The following ADGRB3 variants were observed in gnomAD, a reference collection of about 807,000 sequenced individuals.
The protein encoded by ADGRB3 is brain-specific angiogenesis inhibitor 3.
Under a neutral mutation model 193.4 loss-of-function variants are expected in ADGRB3, and 37 were observed. The ratio of observed to expected loss-of-function variants is 0.19; its 90% CI spans 0.15 to 0.25. ADGRB3 has a LOEUF of 0.25. Ranked by LOEUF, ADGRB3 falls within the 10% of genes least tolerant of loss-of-function variation. The pLI, the probability that ADGRB3 is intolerant of heterozygous loss-of-function variation, is 1.00. For synonymous variants in ADGRB3, 690 were observed against 644.2 expected, an observed-to-expected ratio of 1.07 and a Z score of -1.08; for missense variants, 1,637 against 1,852.9, an observed-to-expected ratio of 0.88 and a Z score of 2.14.
chr6:69,273,245 A>C (rs554163920), intron 20 of ADGRB3, among the ~76,000 whole-genome samples: 1 of 152,236 alleles, frequency 6.6e-6, no homozygotes, highest in African/African-American at 2.4e-5. Flanking sequence ...CACTTCTGTG[A>C]GTGTTAGTTC....
intron 7 of ADGRB3, among the ~76,000 whole-genome samples, chr6:68,956,435 A>C (rs538641805): frequency 3.0e-4 from 46 of 152,246 alleles, no homozygotes; most frequent in Non-Finnish European, 5.3e-4. Flanking sequence ...ACATTTGAGG[A>C]AGTTTAGCAC....
At chr6:69,183,637 T>G (rs1263019935) in intron 17 of ADGRB3, among the ~76,000 whole-genome samples, 2 of 152,102 alleles carry the variant, frequency 1.3e-5, no homozygotes, top group African/African-American at 2.4e-5. Context: ...TTTTGAATCT[T>G]CAGTGAAGAA....
intron 28 of ADGRB3, among the ~76,000 whole-genome samples, chr6:69,358,986 T>TAATTATA (rs1234849204): frequency 6.6e-6 from 1 of 151,774 alleles, no homozygotes; most frequent in Non-Finnish European, 1.5e-5. Flanking sequence ...GTGTTGGCTA[T>TAATTATA]AATTATAAAT....
At chr6:69,202,693 T>A (rs997056302) in intron 17 of ADGRB3, among the ~76,000 whole-genome samples, 6 of 152,166 alleles carry the variant, frequency 3.9e-5, no homozygotes, top group African/African-American at 1.4e-4. Flanking sequence ...GGTAGCTGAA[T>A]TTTTATGAAC....
intron 17 of ADGRB3, among the ~76,000 whole-genome samples, chr6:69,095,798 C>T (rs1011115671): frequency 3.3e-5 from 5 of 152,104 alleles, no homozygotes; most frequent in Non-Finnish European, 4.4e-5. Context: ...CATACACACA[C>T]GCACATGCAC....
At chr6:69,381,900 A>C (rs1194133610) in intron 30 of ADGRB3, among the ~76,000 whole-genome samples, 1 of 151,896 alleles carries the variant, frequency 6.6e-6, no homozygotes, top group Admixed American at 6.6e-5. Flanking sequence ...GAATCACCAA[A>C]ATATTGATTT....
intron 3 of ADGRB3, among the ~76,000 whole-genome samples, chr6:68,895,720 TG>T (rs2150230805): frequency 6.6e-6 from 1 of 152,034 alleles, no homozygotes; most frequent in Admixed American, 6.6e-5. Context: ...AAGTACAGAA[TG>T]TTAAGACTTA....
intron 17 of ADGRB3, among the ~76,000 whole-genome samples, chr6:69,181,632 A>G (rs898258923): frequency 6.6e-6 from 1 of 152,190 alleles, no homozygotes; most frequent in Non-Finnish European, 1.5e-5. Context: ...ATAAATGTAA[A>G]CAACATTCAG....
chr6:69,273,063 G>A (rs1327981200), intron 20 of ADGRB3, among the ~76,000 whole-genome samples: 1 of 152,096 alleles, frequency 6.6e-6, no homozygotes, highest in Non-Finnish European at 1.5e-5. Context: ...ACCATGCCCG[G>A]CTAATTTTTG....
chr6:68,749,823 G>A (rs529266167), intron 3 of ADGRB3, among the ~76,000 whole-genome samples: 3 of 152,158 alleles, frequency 2.0e-5, no homozygotes, highest in East Asian at 3.9e-4. Flanking sequence ...ATTCTTATAC[G>A]TCAATAAGTA....
At chr6:68,971,575 C>A (rs1768569591) in intron 8 of ADGRB3, among the ~76,000 whole-genome samples, 1 of 151,764 alleles carries the variant, frequency 6.6e-6, no homozygotes, top group South Asian at 2.1e-4. Flanking sequence ...AAATACTATA[C>A]CATTTTATAT....
intron 17 of ADGRB3, among the ~76,000 whole-genome samples, chr6:69,203,460 T>TC (rs1765474959): frequency 6.6e-6 from 1 of 151,982 alleles, no homozygotes. Context: ...TGTTTTTTTT[T>TC]TCTCTTACCC....
chr6:69,383,471 G>A (rs1185768715), intron 31 of ADGRB3, among the ~76,000 whole-genome samples: 2 of 151,884 alleles, frequency 1.3e-5, no homozygotes, highest in Non-Finnish European at 2.9e-5. Context: ...TATAATCTTA[G>A]TACAGGACTT....
intron 17 of ADGRB3, among the ~76,000 whole-genome samples, chr6:69,220,543 C>T (rs1389934800): frequency 6.6e-6 from 1 of 152,064 alleles, no homozygotes; most frequent in Non-Finnish European, 1.5e-5. Context: ...CAGTAGCAGG[C>T]TGAAACTGTG....
intron 3 of ADGRB3, among the ~76,000 whole-genome samples, chr6:68,859,157 A>G (rs1022364949): frequency 8.5e-5 from 13 of 152,214 alleles, no homozygotes; most frequent in Admixed American, 8.5e-4. Flanking sequence ...TCAGGGCAAT[A>G]TGCTGCCAGT....
chr6:69,285,154 G>T (rs1210723425), intron 20 of ADGRB3, among the ~76,000 whole-genome samples: 1 of 152,182 alleles, frequency 6.6e-6, no homozygotes, highest in Admixed American at 6.6e-5. Context: ...AGTAGTAATA[G>T]TTCCAATGAT....
chr6:69,130,036 G>A (rs753020699), intron 17 of ADGRB3, among the ~76,000 whole-genome samples: 4 of 152,038 alleles, frequency 2.6e-5, no homozygotes, highest in South Asian at 4.2e-4. Context: ...TTATAAACTG[G>A]GTAACTTGGA....
chr6:68,962,035 AC>A (rs1179083819), intron 8 of ADGRB3, among the ~76,000 whole-genome samples: 1 of 152,158 alleles, frequency 6.6e-6, no homozygotes, highest in East Asian at 1.9e-4. Context: ...AAGTGTCCAT[AC>A]CAGTTGTTAA....
intron 11 of ADGRB3, among the ~76,000 whole-genome samples, chr6:69,008,414 C>A (rs2150282795): frequency 6.6e-6 from 1 of 152,194 alleles, no homozygotes; most frequent in African/African-American, 2.4e-5. Flanking sequence ...TTTGCACATC[C>A]ACTGTTCTCC....
Sources: gnomAD v4.1 joint callset for allele counts (sites outside exome capture counted in the v4.1 genomes callset) on GRCh38, gnomAD v4.1.1 for gene constraint, MANE v1.5 for transcripts, NCBI Gene and HGNC (gene_info 2026-07-23, HGNC 2026-07-21) for gene names.